PRKD1: variants seen among roughly 807,000 people sequenced by gnomAD.
PRKD1 encodes protein kinase D1.
PRKD1 carries 63 observed loss-of-function variants against 95.9 expected under a neutral mutation model. That is an observed-to-expected ratio of 0.66 (90% CI 0.54 to 0.81). The LOEUF (loss-of-function observed/expected upper bound fraction) is 0.81, where lower values mean the gene tolerates loss of function less well. Among genes scored for constraint, PRKD1 ranks in the 30% least tolerant of loss-of-function variants. PRKD1 has a pLI of 0.00. For missense variants in PRKD1, 1,048 were observed against 1,165.3 expected (o/e 0.90, Z 1.47); for synonymous variants, 425 against 423.1 (o/e 1.00, Z -0.05).
chr14:29,690,455 T>C (rs1473894319), intron 2 of PRKD1, among the ~76,000 whole-genome samples: 1 of 152,182 alleles, frequency 6.6e-6, no homozygotes, highest in Non-Finnish European at 1.5e-5. Flanking sequence ...TTTCCACTTT[T>C]CTGTCTCCAA....
intron 1 of PRKD1, among the ~76,000 whole-genome samples, chr14:29,749,822 T>C (rs866076082): frequency 5.3e-5 from 8 of 152,230 alleles, no homozygotes; most frequent in Admixed American, 2.0e-4. Flanking sequence ...AAATCTTATT[T>C]AATCATAAAT....
chr14:29,734,371 C>T (rs572590989), intron 1 of PRKD1, among the ~76,000 whole-genome samples: 4 of 152,008 alleles, frequency 2.6e-5, no homozygotes, highest in African/African-American at 7.2e-5. Context: ...AATTAGATGC[C>T]AGATATTATA....
At chr14:29,766,492 T>C (rs1342686058) in intron 1 of PRKD1, among the ~76,000 whole-genome samples, 1 of 152,174 alleles carries the variant, frequency 6.6e-6, no homozygotes, top group East Asian at 1.9e-4. Context: ...TGTGGCTTTG[T>C]TTTCATGAGT....
chr14:29,700,748 C>CA (rs1389863485), intron 2 of PRKD1, among the ~76,000 whole-genome samples: 1 of 152,100 alleles, frequency 6.6e-6, no homozygotes, highest in Non-Finnish European at 1.5e-5. Flanking sequence ...CTCGTCCAAT[C>CA]AGTTGAAGGC....
intron 3 of PRKD1, among the ~76,000 whole-genome samples, chr14:29,664,355 C>T (rs911068992): frequency 2.0e-5 from 3 of 152,128 alleles, no homozygotes; most frequent in African/African-American, 7.2e-5. Context: ...TGTAGAATTA[C>T]TAAGAAGATA....
intron 1 of PRKD1, among the ~76,000 whole-genome samples, chr14:29,733,005 A>G (rs2139414063): frequency 1.4e-5 from 2 of 147,132 alleles, no homozygotes; most frequent in Middle Eastern, 7.1e-3. Flanking sequence ...AATTTTCACC[A>G]TTGTTTTTGT....
chr14:29,676,566 G>A (rs1883235749), intron 2 of PRKD1, among the ~76,000 whole-genome samples: 1 of 152,162 alleles, frequency 6.6e-6, no homozygotes, highest in African/African-American at 2.4e-5. Flanking sequence ...TGTTGACCAG[G>A]ATGGTCTCCA....
intron 2 of PRKD1, among the ~76,000 whole-genome samples, chr14:29,698,060 CTG>C: frequency 6.6e-6 from 1 of 152,156 alleles, no homozygotes; most frequent in African/African-American, 2.4e-5. Context: ...TTCCCAAACA[CTG>C]TTATCAGTAT....
intron 1 of PRKD1, among the ~76,000 whole-genome samples, chr14:29,846,055 A>G (rs1892065736): frequency 6.6e-6 from 1 of 152,184 alleles, no homozygotes; most frequent in African/African-American, 2.4e-5. Context: ...CTATACATAC[A>G]TGTTATACCC....
At chr14:29,649,179 C>T (rs1420872496) in intron 4 of PRKD1, among the ~76,000 whole-genome samples, 1 of 152,042 alleles carries the variant, frequency 6.6e-6, no homozygotes, top group Non-Finnish European at 1.5e-5. Flanking sequence ...ATTTTTTTAG[C>T]CATTTATTTT....
chr14:29,910,487 C>A (rs1269138429), intron 1 of PRKD1, among the ~76,000 whole-genome samples: 4 of 152,136 alleles, frequency 2.6e-5, no homozygotes, highest in Non-Finnish European at 5.9e-5. Context: ...GACACAGTTT[C>A]ACAAAGCCCT....
At chr14:29,700,196 G>A (rs934170012) in intron 2 of PRKD1, among the ~76,000 whole-genome samples, 3 of 150,286 alleles carry the variant, frequency 2.0e-5, no homozygotes, top group South Asian at 2.1e-4. Flanking sequence ...CCAGACATTC[G>A]CATACATAAT....
chr14:29,698,980 T>G (rs1884682544), intron 2 of PRKD1, among the ~76,000 whole-genome samples: 1 of 152,118 alleles, frequency 6.6e-6, no homozygotes. Context: ...TCTGCTTACT[T>G]TTTTACACTT....
chr14:29,665,553 CATT>C (rs1051222192), intron 3 of PRKD1, among the ~76,000 whole-genome samples: 2 of 152,010 alleles, frequency 1.3e-5, no homozygotes, highest in Admixed American at 6.6e-5. Flanking sequence ...CTGCAAAAGA[CATT>C]ATTTTGTTCT....
intron 1 of PRKD1, among the ~76,000 whole-genome samples, chr14:29,866,909 G>C (rs1390243374): frequency 6.6e-6 from 1 of 152,132 alleles, no homozygotes; most frequent in Admixed American, 6.6e-5. Context: ...TATACCAAGT[G>C]CCTAATGAAG....
In PRKD1 at chr14:29,889,895, A is replaced by T. The variant is rs8013603; in HGVS notation, c.264+37354T>A. On this transcript the variant is annotated intron_variant, in intron 1 of 17. Transcript: ENST00000331968. ...AGAACTTAAAGTATAATAATAATTT[A>T]AAAAATTACTCAAATATCCTTTCAT... 1.2e-3 allele frequency among the ~76,000 whole-genome samples: 184 copies of T among 152,332 alleles called. 4 individuals are homozygous for T. The highest frequency in any genetic ancestry group is 3.9e-3 in the African/African-American group (163 of 41,584).
At chr14:29,882,879 G>A (rs1893563233) in intron 1 of PRKD1, among the ~76,000 whole-genome samples, 1 of 152,150 alleles carries the variant, frequency 6.6e-6, no homozygotes, top group African/African-American at 2.4e-5. Context: ...GTGTGTGCAC[G>A]TGTATACCAC....
chr14:29,843,546 C>G (rs1363958185), intron 1 of PRKD1, among the ~76,000 whole-genome samples: 2 of 152,132 alleles, frequency 1.3e-5, no homozygotes, highest in African/African-American at 4.8e-5. Flanking sequence ...CTAAAACCAC[C>G]AATGGAGAGA....
chr14:29,887,246 A>C (rs1187453179), intron 1 of PRKD1, among the ~76,000 whole-genome samples: 1 of 152,180 alleles, frequency 6.6e-6, no homozygotes, highest in Non-Finnish European at 1.5e-5. Flanking sequence ...TATATGGCAC[A>C]TCCCTGCCGC....
Sources: allele counts gnomAD v4.1 joint callset (sites outside exome capture counted in the v4.1 genomes callset), GRCh38; gene constraint gnomAD v4.1.1; transcripts MANE v1.5; gene names NCBI Gene and HGNC (gene_info 2026-07-23, HGNC 2026-07-21).